Variants in DNAH3 observed in about 807,000 individuals in gnomAD.
DNAH3 encodes axonemal beta dynein heavy chain 3.
In DNAH3, 332 loss-of-function variants were observed where a neutral mutation model predicts 432.5. The observed-to-expected ratio is 0.77, with a 90% CI of 0.70 to 0.84. The LOEUF (loss-of-function observed/expected upper bound fraction) is 0.84, where lower values mean the gene tolerates loss of function less well. Ranked by LOEUF, DNAH3 falls within the 40% of genes least tolerant of loss-of-function variation. The pLI, the probability that DNAH3 is intolerant of heterozygous loss-of-function variation, is 0.00. For synonymous variants in DNAH3, 1,956 were observed against 1,900.2 expected (o/e 1.03, Z -0.76); for missense variants, 4,861 against 5,114.0 (o/e 0.95, Z 1.51).
chr16:21,003,207 C>A, exon 42 of DNAH3: 1 of 1,599,336 alleles, frequency 6.3e-7, no homozygotes, highest in Non-Finnish European at 8.5e-7. Context: ...ATAGATGCTT[C>A]CTGGACCCAA....
At position 20,964,603 on chromosome 16, in the gene DNAH3, T is replaced by G. The variant is rs778807414; in HGVS notation, c.9281A>C (p.Asn3094Thr). Reference sequence around the variant, plus strand: ...AGCCAGTTTATTCGCCTTCTCCATGTTCTTAATCCATTTATTGGCCTGCCC... The same window carrying G: ...AGCCAGTTTATTCGCCTTCTCCATGGTCTTAATCCATTTATTGGCCTGCCC... Residue 3094 changes from asparagine to threonine, a missense_variant, in exon 53 of 62, where the codon AAC becomes ACC. By Grantham distance (65) the Asn-to-Thr change is moderately conservative. Transcript: ENST00000261383. 1.9e-6 allele frequency: 3 copies of G among 1,614,194 alleles called. No homozygotes were observed. The East Asian group carries it at 6.7e-5, about 36-fold the overall frequency.
chr16:21,138,303 C>G (rs934695960), intron 5 of DNAH3, among the ~76,000 whole-genome samples: 1 of 151,698 alleles, frequency 6.6e-6, no homozygotes, highest in African/African-American at 2.4e-5. Flanking sequence ...TTGTTACTCT[C>G]GCCTCTCTCC....
chr16:20,941,728 TTGGGGAGGGCA>T lies in DNAH3; in HGVS notation c.11512-196_11512-186del, dbSNP rs570163798. On this transcript the variant is annotated intron_variant, in intron 58 of 61. Transcript: ENST00000261383. Reference sequence around the variant, plus strand: ...GGAGTCCCTCATCACCCCACCAGCCTTGGGGAGGGCATCGCCTCTTGGTCCAGAAGAGTAGA... The same window carrying T: ...GGAGTCCCTCATCACCCCACCAGCCTTCGCCTCTTGGTCCAGAAGAGTAGA... 4.7e-3 allele frequency among the ~76,000 whole-genome samples: 713 copies of T among 152,220 alleles called. 4 individuals carry two copies. Among genetic ancestry groups the T allele is most frequent in the African/African-American group, 0.016 (649 of 41,540 alleles).
chr16:21,127,538 G>A, intron 8 of DNAH3, 149 bp downstream of exon 9: 1 of 946,980 alleles, frequency 1.1e-6, no homozygotes, highest in Non-Finnish European at 1.5e-6. Context: ...TCCAGCCTGA[G>A]TGACAGAAAG....
exon 48 of DNAH3, chr16:20,985,318 T>G (rs771901565): frequency 6.2e-7 from 1 of 1,614,164 alleles, no homozygotes; most frequent in East Asian, 2.2e-5. Flanking sequence ...CAGTATGATC[T>G]TCTTAAGATC....
intron 1 of DNAH3, among the ~76,000 whole-genome samples, chr16:21,147,959 T>C (rs928366270): frequency 6.6e-6 from 1 of 152,246 alleles, no homozygotes; most frequent in Non-Finnish European, 1.5e-5. Context: ...TTCAGCACTT[T>C]AAAGGTGGTT....
At chr16:20,950,329 T>C (rs2084255137) in intron 56 of DNAH3, among the ~76,000 whole-genome samples, 1 of 152,204 alleles carries the variant, frequency 6.6e-6, no homozygotes, top group Admixed American at 6.5e-5. Flanking sequence ...TCTTAACATG[T>C]TGGACTGGAT....
intron 4 of DNAH3, 116 bp downstream of exon 5, chr16:21,141,184 A>G: frequency 3.8e-6 from 3 of 784,328 alleles, no homozygotes; most frequent in Non-Finnish European, 6.1e-6. Flanking sequence ...GTGGATAAGA[A>G]TATGATTATC....
At chr16:21,127,786 G>T (rs1173336641) in exon 8 of DNAH3, 1 of 1,614,008 alleles carries the variant, frequency 6.2e-7, no homozygotes, top group Non-Finnish European at 8.5e-7. Flanking sequence ...TATTTCTGCT[G>T]TTCGAACAAA....
At chr16:21,053,833 C>T (rs1043259495) in intron 28 of DNAH3, among the ~76,000 whole-genome samples, 18 of 151,820 alleles carry the variant, frequency 1.2e-4, no homozygotes, top group Admixed American at 7.2e-4. Flanking sequence ...TTTTCCTCCT[C>T]CTCCTCCTCC....
intron 49 of DNAH3, among the ~76,000 whole-genome samples, chr16:20,980,712 AAC>A (rs1252147108): frequency 6.6e-6 from 1 of 152,130 alleles, no homozygotes; most frequent in Non-Finnish European, 1.5e-5. Flanking sequence ...CATAAAATAA[AAC>A]ACAGAATTAC....
At chr16:20,981,933 C>G (rs914487369) in intron 49 of DNAH3, among the ~76,000 whole-genome samples, 3 of 148,412 alleles carry the variant, frequency 2.0e-5, no homozygotes, top group Non-Finnish European at 3.0e-5. Context: ...TGCATATATA[C>G]ATACATAAAG....
intron 59 of DNAH3, among the ~76,000 whole-genome samples, chr16:20,937,529 C>CT (rs71377696): frequency 0.12 from 15,132 of 121,266 alleles, 1,405 homozygotes; most frequent in African/African-American, 0.2. Flanking sequence ...CAAAGTTGTT[C>CT]TTTTTTTTTT....
intron 21 of DNAH3, among the ~76,000 whole-genome samples, chr16:21,072,873 G>A (rs2090844582): frequency 6.7e-6 from 1 of 150,184 alleles, no homozygotes; most frequent in Non-Finnish European, 1.5e-5. Flanking sequence ...TTGTAGAGAG[G>A]GGGTGTTGCT....
intron 26 of DNAH3, 39 bp from the exon 27 acceptor site, chr16:21,058,235 C>T (rs772461984): frequency 6.9e-6 from 9 of 1,306,626 alleles, no homozygotes; most frequent in Admixed American, 5.2e-5. Flanking sequence ...GATCAGTTCA[C>T]GTGTGGTTTA....
At chr16:21,024,221 A>G (rs2088416526) in intron 39 of DNAH3, among the ~76,000 whole-genome samples, 1 of 152,166 alleles carries the variant, frequency 6.6e-6, no homozygotes, top group Non-Finnish European at 1.5e-5. Flanking sequence ...GGCAGCACCA[A>G]AAGGAACACC....
chr16:20,970,860 ATTCTTT>A (rs2085308902), intron 51 of DNAH3, among the ~76,000 whole-genome samples: 1 of 128,760 alleles, frequency 7.8e-6, no homozygotes, highest in Non-Finnish European at 1.6e-5. Context: ...TCTTTTCTCT[ATTCTTT>A]TTTTTTTTTT....
At chr16:21,098,694 A>G (rs1328244851) in exon 17 of DNAH3, 1 of 1,613,942 alleles carries the variant, frequency 6.2e-7, no homozygotes, top group Admixed American at 1.7e-5. Context: ...TTTCTTCTGT[A>G]GTCATCACTT....
At position 21,136,622 on chromosome 16, in the gene DNAH3, C is replaced by G. The variant is rs547156271; in HGVS notation, c.697-109G>C. 1.2e-4 allele frequency: 116 copies of G among 994,156 alleles called. 1 individual carries two copies. The highest frequency in any genetic ancestry group is 1.3e-5 in the Non-Finnish European group (8 of 634,266). The allele number at this position is 994,156 out of a possible 1,614,324, so 61.6% of individuals were successfully genotyped here. The stretch of plus-strand genomic sequence containing the variant: ...CCCATTCATACAGCATTCGTCTGCA[C>G]CCTTCACTTGCCATAACCATGCATT... On this transcript the variant is annotated intron_variant, in intron 5 of 61. Transcript: ENST00000261383.
Sources: allele counts gnomAD v4.1 joint callset (sites outside exome capture counted in the v4.1 genomes callset), GRCh38; gene constraint gnomAD v4.1.1; transcripts MANE v1.5; gene names NCBI Gene and HGNC (gene_info 2026-07-23, HGNC 2026-07-21).